ZBTB20: variants seen among roughly 807,000 people sequenced by gnomAD.
The protein encoded by ZBTB20 is zinc finger and BTB domain containing 20, also known as zinc finger and BTB domain-containing protein 20.
Under a neutral mutation model 56.9 loss-of-function variants are expected in ZBTB20, and 9 were observed. That is an observed-to-expected ratio of 0.16 (90% confidence interval 0.10 to 0.28). The LOEUF is 0.28. Among genes scored for constraint, ZBTB20 ranks in the 10% least tolerant of loss-of-function variants. ZBTB20 has a pLI of 1.00. For missense variants in ZBTB20, 655 were observed against 1,003.0 expected, an observed-to-expected ratio of 0.65 and a Z score of 4.69; for synonymous variants, 417 against 420.7, an observed-to-expected ratio of 0.99 and a Z score of 0.11.
intron 4 of ZBTB20, among the ~76,000 whole-genome samples, chr3:114,891,743 T>C (rs1432370069): frequency 6.6e-6 from 1 of 151,944 alleles, no homozygotes; most frequent in Non-Finnish European, 1.5e-5. Context: ...CTTAAATGAG[T>C]TTAAACATTT....
chr3:115,080,095 G>C (rs540240471), intron 1 of ZBTB20, among the ~76,000 whole-genome samples: 1 of 152,234 alleles, frequency 6.6e-6, no homozygotes, highest in African/African-American at 2.4e-5. Context: ...CTTTTGAGAG[G>C]TAACTGGGAT....
At chr3:115,060,825 T>TGAGATTA (rs1560536389) in intron 2 of ZBTB20, among the ~76,000 whole-genome samples, 2 of 151,758 alleles carry the variant, frequency 1.3e-5, no homozygotes, top group African/African-American at 4.8e-5. Flanking sequence ...AAAGGAGAAA[T>TGAGATTA]GAGATTAGTA....
rs549602267 is a variant in ZBTB20 at position 114,724,035 on chromosome 3, AT to A, written c.-342-30461del. Among the ~76,000 whole-genome samples the A allele has an allele frequency of 1.8e-3, 258 of 146,176 alleles. 2 individuals are homozygous for A. Among genetic ancestry groups the A allele is most frequent in the South Asian group, 6.9e-3 (31 of 4,504 alleles). ...AGGCGCCCACCACCGAGCCCGGCTA[AT>A]TTTTTTTTTTGTATTTTTAGTAGAG... On this transcript the variant is annotated intron_variant, in intron 5 of 11. Coordinates refer to ENST00000675478, the MANE Select transcript of ZBTB20 (RefSeq NM_001348800.3).
chr3:114,448,585 G>A (rs541946364), intron 7 of ZBTB20, among the ~76,000 whole-genome samples: 93 of 152,050 alleles, frequency 6.1e-4, no homozygotes, highest in Non-Finnish European at 1.1e-3. Flanking sequence ...TCACATATAG[G>A]AAAAGATGGC....
chr3:114,579,446 C>G (rs544675898), intron 6 of ZBTB20, among the ~76,000 whole-genome samples: 33 of 150,604 alleles, frequency 2.2e-4, no homozygotes, highest in African/African-American at 8.0e-4. Flanking sequence ...AATTTAGAGT[C>G]TGAAATTCAT....
At position 114,338,853 on chromosome 3, in the gene ZBTB20, T is replaced by C. The variant is rs746072272; in HGVS notation, c.*152A>G. 146 of 857,688 alleles carry C rather than the reference T, an allele frequency of 1.7e-4. No homozygotes were observed. The highest frequency in any genetic ancestry group is 2.3e-4 in the Non-Finnish European group (135 of 596,958). 53.1% of individuals were successfully genotyped at this position (857,688 alleles called of 1,614,324 possible). On this transcript the variant is annotated 3_prime_UTR_variant, in exon 12 of 12. Coordinates refer to ENST00000675478, the MANE Select transcript of ZBTB20 (RefSeq NM_001348800.3). ...GTACCAGCAGGCAAAAAACAGTTCT[T>C]CATGTAGTACAAAATGAAACGAAAC...
intron 3 of ZBTB20, among the ~76,000 whole-genome samples, chr3:114,941,740 G>A (rs1445575973): frequency 2.1e-5 from 3 of 145,900 alleles, no homozygotes; most frequent in Non-Finnish European, 4.4e-5. Flanking sequence ...CAATCTCTAC[G>A]TTGTCCAAAT....
At chr3:114,860,634 G>C (rs1251864317) in intron 4 of ZBTB20, among the ~76,000 whole-genome samples, 2 of 152,192 alleles carry the variant, frequency 1.3e-5, no homozygotes, top group African/African-American at 4.8e-5. Flanking sequence ...TGTGAGAAGA[G>C]TTGCTTTCTA....
intron 5 of ZBTB20, among the ~76,000 whole-genome samples, chr3:114,775,604 C>T (rs1278210921): frequency 6.6e-6 from 1 of 151,966 alleles, no homozygotes; most frequent in East Asian, 1.9e-4. Context: ...GAGGAGCACC[C>T]TGAGGACCCT....
intron 4 of ZBTB20, among the ~76,000 whole-genome samples, chr3:114,805,061 T>C (rs2072002395): frequency 6.6e-6 from 1 of 151,904 alleles, no homozygotes; most frequent in Non-Finnish European, 1.5e-5. Flanking sequence ...ACTTTGTATT[T>C]TGGAACAATT....
intron 7 of ZBTB20, among the ~76,000 whole-genome samples, chr3:114,411,391 CG>C (rs2087933890): frequency 6.6e-6 from 1 of 151,928 alleles, no homozygotes; most frequent in Non-Finnish European, 1.5e-5. Flanking sequence ...AGAATAAAAG[CG>C]GGTGGGAATG....
intron 5 of ZBTB20, among the ~76,000 whole-genome samples, chr3:114,798,935 T>C (rs1227027953): frequency 6.6e-6 from 1 of 151,378 alleles, no homozygotes; most frequent in African/African-American, 2.4e-5. Flanking sequence ...CTTTTGGAAA[T>C]AAATTTTAAA....
chr3:114,380,455 A>G, intron 9 of ZBTB20, 51 bp from the exon 10 acceptor site: 1 of 1,459,506 alleles, frequency 6.9e-7, no homozygotes, highest in Non-Finnish European at 9.0e-7. Context: ...TATTTGGGAA[A>G]AGGCATTTTT....
intron 2 of ZBTB20, among the ~76,000 whole-genome samples, chr3:115,058,039 A>C (rs1484019385): frequency 6.6e-6 from 1 of 152,118 alleles, no homozygotes; most frequent in African/African-American, 2.4e-5. Context: ...CCCCTTATAA[A>C]ACCATCAGAT....
At chr3:114,870,032 G>A (rs1438423563) in intron 4 of ZBTB20, among the ~76,000 whole-genome samples, 3 of 152,120 alleles carry the variant, frequency 2.0e-5, no homozygotes, top group Non-Finnish European at 4.4e-5. Context: ...ATCAATTAAA[G>A]CATGTACATA....
chr3:114,598,923 C>A (rs2056542979), intron 6 of ZBTB20, among the ~76,000 whole-genome samples: 1 of 152,052 alleles, frequency 6.6e-6, no homozygotes, highest in Non-Finnish European at 1.5e-5. Flanking sequence ...AAAGTCTCTT[C>A]TGCTTTGTAC....
intron 7 of ZBTB20, among the ~76,000 whole-genome samples, chr3:114,460,266 A>G (rs1411215486): frequency 6.6e-6 from 1 of 152,164 alleles, no homozygotes; most frequent in Non-Finnish European, 1.5e-5. Flanking sequence ...ACACACTACA[A>G]AGGAACTATA....
chr3:114,731,544 G>C (rs1328397441), intron 5 of ZBTB20, among the ~76,000 whole-genome samples: 1 of 152,064 alleles, frequency 6.6e-6, no homozygotes, highest in East Asian at 1.9e-4. Flanking sequence ...TTGTGACCAA[G>C]ATAAGGCCGA....
chr3:114,670,656 T>C (rs964664267), intron 6 of ZBTB20, among the ~76,000 whole-genome samples: 1 of 152,148 alleles, frequency 6.6e-6, no homozygotes, highest in South Asian at 2.1e-4. Context: ...GTTCTGGTAC[T>C]GTAAAATATT....
Sources: gnomAD v4.1 joint callset for allele counts (sites outside exome capture counted in the v4.1 genomes callset) on GRCh38, gnomAD v4.1.1 for gene constraint, MANE v1.5 for transcripts, NCBI Gene and HGNC (gene_info 2026-07-23, HGNC 2026-07-21) for gene names.